USH2A: variants seen among roughly 807,000 people sequenced by gnomAD.
USH2A encodes Usher syndrome 2A (autosomal recessive, mild).
In USH2A, 443 loss-of-function variants were observed where a neutral mutation model predicts 538.9. That is an observed-to-expected ratio of 0.82 (90% CI 0.76 to 0.89). The LOEUF is 0.89. USH2A is among the 40% of genes least tolerant of loss of function. The pLI is 0.00. For synonymous variants in USH2A, 2,413 were observed against 2,273.5 expected (o/e 1.06, Z -1.75); for missense variants, 6,633 against 6,324.8 (o/e 1.05, Z -1.65).
intron 61 of USH2A, among the ~76,000 whole-genome samples, chr1:215,712,704 A>G (rs1395462977): frequency 6.6e-6 from 1 of 152,182 alleles, no homozygotes; most frequent in Non-Finnish European, 1.5e-5. Flanking sequence ...TAACATATTT[A>G]GTGAAGAAAT....
intron 35 of USH2A, among the ~76,000 whole-genome samples, chr1:215,989,501 A>G (rs932301612): frequency 2.6e-5 from 4 of 152,182 alleles, no homozygotes; most frequent in African/African-American, 9.6e-5. Flanking sequence ...AATGCACTGT[A>G]TAGATAAGAG....
intron 38 of USH2A, among the ~76,000 whole-genome samples, chr1:215,903,321 G>A (rs79230627): frequency 0.029 from 4,431 of 152,166 alleles, 243 homozygotes; most frequent in African/African-American, 0.1. Context: ...CAACGAGGGG[G>A]TAAAGGGCAG....
At chr1:215,892,447 G>T (rs2102463501) in intron 40 of USH2A, among the ~76,000 whole-genome samples, 1 of 152,258 alleles carries the variant, frequency 6.6e-6, no homozygotes, top group Admixed American at 6.5e-5. Flanking sequence ...ATATATGGAT[G>T]TATAATTATA....
chr1:216,251,396 T>C (rs2036158809), intron 11 of USH2A, among the ~76,000 whole-genome samples: 1 of 146,570 alleles, frequency 6.8e-6, no homozygotes, highest in Non-Finnish European at 1.5e-5. Context: ...AGACTGAAAA[T>C]AGAAAATAGT....
chr1:215,781,917 G>T lies in USH2A; in HGVS notation c.10740+125C>A, dbSNP rs955147095. 2.6e-5 allele frequency: 34 copies of T among 1,286,592 alleles called. No individual in the cohort carries two copies. The Middle Eastern group carries it at 1.2e-3, about 44-fold the overall frequency. The allele number at this position is 1,286,592 out of a possible 1,614,324, so 79.7% of individuals were successfully genotyped here. A position where few individuals can be genotyped will look rare whatever the true frequency, so the allele number is the denominator to read the frequency against. On this transcript the variant is annotated intron_variant, in intron 54 of 71. Transcript: ENST00000307340. Reference sequence around the variant, plus strand: ...CTCAGTTAACGTGACACATGAACACGCTACTTAACACCACTTTGAGGAGGG... The same window carrying T: ...CTCAGTTAACGTGACACATGAACACTCTACTTAACACCACTTTGAGGAGGG...
intron 11 of USH2A, among the ~76,000 whole-genome samples, chr1:216,256,112 C>T (rs1397659720): frequency 2.0e-5 from 3 of 151,962 alleles, no homozygotes; most frequent in African/African-American, 7.2e-5. Context: ...TTACTTTTAA[C>T]CTAGTTGTGT....
intron 15 of USH2A, among the ~76,000 whole-genome samples, chr1:216,216,437 CT>C (rs1015548439): frequency 2.6e-5 from 4 of 152,106 alleles, no homozygotes; most frequent in African/African-American, 7.2e-5. Flanking sequence ...ATCTTTCTCC[CT>C]CCCCCCTTAA....
intron 60 of USH2A, among the ~76,000 whole-genome samples, chr1:215,733,345 C>T (rs925910292): frequency 6.6e-6 from 1 of 152,184 alleles, no homozygotes; most frequent in Non-Finnish European, 1.5e-5. Flanking sequence ...TCACCTCCCA[C>T]TAGGCCCCAT....
At position 215,888,879 on chromosome 1, in the gene USH2A, T is replaced by C. The variant is rs1665138334; in HGVS notation, c.7770A>G (p.Leu2590=). The part of the protein sequence containing the change: ...GNVTNCTVMH[L]HPYTAYKFQV... ...GAAACTTATAGGCAGTGTATGGGTG[T>C]AAATGCATCACTGTGCAATTAGTGA... Residue 2590 remains leucine (L), a synonymous_variant, in exon 41 of 72, where the codon TTA becomes TTG. Transcript: ENST00000307340. 1.2e-6 allele frequency: 2 copies of C among 1,614,044 alleles called. No homozygotes were observed. Among genetic ancestry groups the C allele is most frequent in the South Asian group, 1.1e-5 (1 of 91,090 alleles).
Position 215,900,227 on chromosome 1 carries a change from AAATAAATGTC to A in USH2A, c.7452-20_7452-11del. 6.2e-7 allele frequency: 1 copy of A among 1,613,216 alleles called. No homozygotes were observed. The highest frequency in any genetic ancestry group is 1.1e-5 in the South Asian group (1 of 91,080). ...AGGATTGGAAAATAACCTGTATGGG[AAATAAATGTC>A]AATTAGGAAGTTTTCGACATTCAAA... On this transcript the variant is annotated splice_polypyrimidine_tract_variant and intron_variant, in intron 39 of 71. Coordinates refer to ENST00000307340, the MANE Select transcript of USH2A (RefSeq NM_206933.4).
At position 216,190,226 on chromosome 1, in the gene USH2A, C is replaced by T; in HGVS notation, c.4393G>A (p.Ala1465Thr). 1 of 1,612,184 alleles carries T rather than the reference C, an allele frequency of 6.2e-7. No individual in the cohort carries two copies. The highest frequency in any genetic ancestry group is 8.5e-7 in the Non-Finnish European group (1 of 1,178,870). ...SASGAGQTLA[A>T]APAQLRPPLV... Reference sequence around the variant, plus strand: ...ATATCCATTAAAACTTGCTTACCTGCTGCTAAAGTTTGTCCTGCTCCCGAA... The same window carrying T: ...ATATCCATTAAAACTTGCTTACCTGTTGCTAAAGTTTGTCCTGCTCCCGAA... Residue 1465 changes from alanine to threonine, a missense_variant, in exon 20 of 72, where the codon GCA (alanine) becomes ACA (threonine). Ala to Thr is a moderately conservative substitution (Grantham distance 58). Coordinates refer to ENST00000307340, the MANE Select transcript of USH2A (RefSeq NM_206933.4).
chr1:216,126,484 A>T (rs192897910), intron 21 of USH2A, among the ~76,000 whole-genome samples: 1 of 152,046 alleles, frequency 6.6e-6, no homozygotes, highest in African/African-American at 2.4e-5. Flanking sequence ...TGGCCTCCCA[A>T]AGTGCTGGGA....
At chr1:216,230,900 A>T (rs71517315) in intron 14 of USH2A, among the ~76,000 whole-genome samples, 30 of 150,060 alleles carry the variant, frequency 2.0e-4, no homozygotes, top group African/African-American at 7.1e-4. Context: ...TCTCTCTCTC[A>T]CACACACACA....
At chr1:215,668,145 T>G (rs898786796) in intron 64 of USH2A, among the ~76,000 whole-genome samples, 1 of 152,224 alleles carries the variant, frequency 6.6e-6, no homozygotes, top group Non-Finnish European at 1.5e-5. Context: ...GTGAGCAGAT[T>G]TATATAGGAC....
intron 23 of USH2A, among the ~76,000 whole-genome samples, chr1:216,088,344 T>C (rs2032198594): frequency 6.6e-6 from 1 of 152,170 alleles, no homozygotes; most frequent in Non-Finnish European, 1.5e-5. Context: ...ATTTATTCTG[T>C]ATTTTGCTGC....
intron 58 of USH2A, among the ~76,000 whole-genome samples, chr1:215,756,406 C>A (rs973036508): frequency 1.6e-4 from 24 of 152,288 alleles, no homozygotes; most frequent in Middle Eastern, 6.8e-3. Context: ...TTTTGATAAA[C>A]CATGGGACTT....
intron 32 of USH2A, among the ~76,000 whole-genome samples, chr1:216,036,252 T>C (rs2029948172): frequency 6.6e-6 from 1 of 152,086 alleles, no homozygotes; most frequent in Admixed American, 6.6e-5. Flanking sequence ...ATCACATATA[T>C]TAAAATTGGG....
chr1:216,408,090 C>A (rs2039426302), intron 3 of USH2A, among the ~76,000 whole-genome samples: 1 of 152,074 alleles, frequency 6.6e-6, no homozygotes, highest in Non-Finnish European at 1.5e-5. Context: ...CATTTTCTAG[C>A]AGAAATTATT....
intron 9 of USH2A, among the ~76,000 whole-genome samples, chr1:216,313,602 G>T (rs1267172829): frequency 6.6e-6 from 1 of 151,798 alleles, no homozygotes; most frequent in Non-Finnish European, 1.5e-5. Context: ...CATATTTGCT[G>T]GTTTACTTGC....
Sources: allele counts gnomAD v4.1 joint callset (sites outside exome capture counted in the v4.1 genomes callset), GRCh38; gene constraint gnomAD v4.1.1; transcripts MANE v1.5; gene names NCBI Gene and HGNC (gene_info 2026-07-23, HGNC 2026-07-21).